FAM163A: variants seen among roughly 807,000 people sequenced by gnomAD.
FAM163A encodes protein FAM163A.
Under a neutral mutation model 12.0 loss-of-function variants are expected in FAM163A, and 7 were observed. The observed-to-expected ratio is 0.58, with a 90% CI of 0.33 to 1.10. The LOEUF (loss-of-function observed/expected upper bound fraction) is 1.10, where lower values mean the gene tolerates loss of function less well. Ranked by LOEUF, FAM163A falls within the 50% of genes least tolerant of loss-of-function variation. The pLI, the probability that FAM163A is intolerant of heterozygous loss-of-function variation, is 0.03. For missense variants in FAM163A, 202 were observed against 218.6 expected, an observed-to-expected ratio of 0.92 and a Z score of 0.48; for synonymous variants, 101 against 91.0, an observed-to-expected ratio of 1.11 and a Z score of -0.62.
intron 1 of FAM163A, among the ~76,000 whole-genome samples, chr1:179,797,551 C>A (rs993776777): frequency 1.3e-5 from 2 of 152,144 alleles, no homozygotes; most frequent in Non-Finnish European, 2.9e-5. Context: ...ATATTATATA[C>A]TTGAAAATTG....
chr1:179,735,495 C>CTTTTTTTTTTTTT, the FAM163A span, among the ~76,000 whole-genome samples: 21 of 62,184 alleles, frequency 3.4e-4, 6 homozygotes, highest in South Asian at 1.5e-3. Flanking sequence ...GAGTTACATT[C>CTTTTTTTTTTTTT]TTTTTTTTTT....
chr1:179,764,550 A>G (rs555433002), intron 1 of FAM163A, among the ~76,000 whole-genome samples: 2 of 152,268 alleles, frequency 1.3e-5, no homozygotes, highest in African/African-American at 4.8e-5. Context: ...TGAGGTATTG[A>G]TAGGGTAATC....
chr1:179,806,003 C>T (rs1004290421), intron 1 of FAM163A, among the ~76,000 whole-genome samples: 4 of 152,212 alleles, frequency 2.6e-5, no homozygotes, highest in African/African-American at 9.7e-5. Flanking sequence ...TTGACACTTA[C>T]ACAATATTGA....
chr1:179,814,012 G>C lies in FAM163A; in HGVS notation c.327G>C (p.Thr109=). 6.2e-7 allele frequency: 1 copy of C among 1,613,076 alleles called. No individual in the cohort carries two copies. Among genetic ancestry groups the C allele is most frequent in the Non-Finnish European group, 8.5e-7 (1 of 1,179,284 alleles). The change falls in exon 5 of 5, where the codon ACG becomes ACC. Residue 109 remains threonine, a synonymous_variant. Coordinates refer to ENST00000341785, the MANE Select transcript of FAM163A (RefSeq NM_173509.3). ...ACAGCTCCCCCTTTTACATACGGAC[G>C]GCTGACATGGTGCCCAATGGGGGTG... ...SPYSSPFYIR[T]ADMVPNGGGG...
At position 179,744,732 on chromosome 1, in the gene FAM163A, TC is replaced by T. The variant is rs573034361; in HGVS notation, c.-136+1314del. On this transcript the variant is annotated intron_variant, in intron 1 of 4. Coordinates refer to ENST00000341785, the MANE Select transcript of FAM163A (RefSeq NM_173509.3). ...CCTGTCATTTCGCCCACCTGGGCCCTCCCCCAGGGCGCCCAGGGGGCCCCAT... is the reference window on the plus strand; with the variant it reads ...CCTGTCATTTCGCCCACCTGGGCCCTCCCCAGGGCGCCCAGGGGGCCCCAT... 5.3e-5 allele frequency among the ~76,000 whole-genome samples: 8 copies of T among 152,126 alleles called. No homozygotes were observed. In the East Asian group the frequency reaches 1.6e-3, roughly 30 times the overall value.
chr1:179,750,296 G>A (rs554724707), intron 1 of FAM163A, among the ~76,000 whole-genome samples: 2 of 152,272 alleles, frequency 1.3e-5, no homozygotes, highest in East Asian at 1.9e-4. Flanking sequence ...GTCATTCAGG[G>A]GAAACAAATT....
chr1:179,756,245 A>G (rs1686004456), intron 1 of FAM163A, among the ~76,000 whole-genome samples: 1 of 152,236 alleles, frequency 6.6e-6, no homozygotes, highest in Admixed American at 6.5e-5. Context: ...AAGAAGGTAA[A>G]TGTATCGTAA....
At chr1:179,740,274 G>A (rs558058820), upstream of FAM163A, among the ~76,000 whole-genome samples, 2 of 152,242 alleles carry the variant, frequency 1.3e-5, no homozygotes, top group Admixed American at 6.5e-5. Flanking sequence ...CAACTCCTGG[G>A]TTCAAGGGAT....
intron 1 of FAM163A, among the ~76,000 whole-genome samples, chr1:179,800,334 G>T (rs968813340): frequency 6.6e-6 from 1 of 152,214 alleles, no homozygotes; most frequent in African/African-American, 2.4e-5. Context: ...GAAGGGGTAC[G>T]CTCAGCCTTG....
Position 179,814,254 on chromosome 1 carries a change from G to A in FAM163A, c.*65G>A, listed in dbSNP as rs1200332935. 8 of 1,519,608 alleles carry A rather than the reference G, an allele frequency of 5.3e-6. No individual in the cohort carries two copies. The highest frequency in any genetic ancestry group is 6.2e-6 in the Non-Finnish European group (7 of 1,132,890). 94.1% of individuals were successfully genotyped at this position (1,519,608 alleles called of 1,614,324 possible). A position where few individuals can be genotyped will look rare whatever the true frequency, so the allele number is the denominator to read the frequency against. On this transcript the variant is annotated 3_prime_UTR_variant, in exon 5 of 5. Transcript: ENST00000341785. ...CCCTGGCGGGGGCCATGGGGGTGAT[G>A]AATGACCCTCCAACAGCCCCACATG... is the stretch of plus-strand genomic sequence containing the variant.
chr1:179,743,912 A>C (rs868863660), intron 1 of FAM163A, among the ~76,000 whole-genome samples: 83 of 152,120 alleles, frequency 5.5e-4, no homozygotes, highest in African/African-American at 1.9e-3. Flanking sequence ...CCCGGGGAGC[A>C]TGAGGCCGGG....
chr1:179,749,256 G>C (rs1415552797), intron 1 of FAM163A, among the ~76,000 whole-genome samples: 1 of 152,190 alleles, frequency 6.6e-6, no homozygotes, highest in Admixed American at 6.5e-5. Flanking sequence ...GAAAAGCATG[G>C]TCTCTATACT....
chr1:179,735,767 T>G, the FAM163A span, among the ~76,000 whole-genome samples: 2 of 152,066 alleles, frequency 1.3e-5, no homozygotes, highest in Non-Finnish European at 2.9e-5. Context: ...CCTCCCAAAG[T>G]GCTGGGATAA....
At chr1:179,730,008 C>G in the FAM163A span, among the ~76,000 whole-genome samples, 1 of 152,190 alleles carries the variant, frequency 6.6e-6, no homozygotes, top group Non-Finnish European at 1.5e-5. Context: ...AGCCTCCTAC[C>G]TTTGGGATCT....
At chr1:179,795,792 C>T (rs1571524072) in intron 1 of FAM163A, among the ~76,000 whole-genome samples, 1 of 152,118 alleles carries the variant, frequency 6.6e-6, no homozygotes, top group East Asian at 1.9e-4. Context: ...GTTTATCATT[C>T]GTGTTTCCCA....
intron 1 of FAM163A, among the ~76,000 whole-genome samples, chr1:179,767,700 C>T (rs565214765): frequency 2.0e-5 from 3 of 152,302 alleles, no homozygotes; most frequent in African/African-American, 7.2e-5. Context: ...TGCAGCTTCT[C>T]TCCCATCCCT....
At chr1:179,778,375 C>T (rs1275399106) in intron 1 of FAM163A, among the ~76,000 whole-genome samples, 2 of 152,076 alleles carry the variant, frequency 1.3e-5, no homozygotes, top group South Asian at 2.1e-4. Context: ...TCAGTTCCAC[C>T]GACCCCAAGC....
chr1:179,799,780 C>T (rs902981404), intron 1 of FAM163A, among the ~76,000 whole-genome samples: 8 of 152,214 alleles, frequency 5.3e-5, no homozygotes, highest in Admixed American at 3.3e-4. Context: ...GACCTGTGAT[C>T]AGAACTTCAG....
chr1:179,772,954 G>A (rs961166462), intron 1 of FAM163A, among the ~76,000 whole-genome samples: 8 of 150,480 alleles, frequency 5.3e-5, no homozygotes, highest in African/African-American at 9.8e-5. Context: ...AGCTCCCCAC[G>A]TTTAAGCAGC....
Sources: allele counts gnomAD v4.1 joint callset (sites outside exome capture counted in the v4.1 genomes callset), GRCh38; gene constraint gnomAD v4.1.1; transcripts MANE v1.5; gene names NCBI Gene and HGNC (gene_info 2026-07-23, HGNC 2026-07-21).